EYS: variants seen among roughly 807,000 people sequenced by gnomAD.
EYS encodes EGF-like photoreceptor maintenance factor, also known as protein eyes shut homolog.
Under a neutral mutation model 282.1 loss-of-function variants are expected in EYS, and 250 were observed. The observed-to-expected ratio is 0.89, with a 90% CI of 0.80 to 0.98. EYS has a LOEUF of 0.98. EYS is among the 50% of genes least tolerant of loss of function. The pLI, the probability that EYS is intolerant of heterozygous loss-of-function variation, is 0.00. For missense variants in EYS, 4,016 were observed against 3,709.0 expected (o/e 1.08, Z -2.15); for synonymous variants, 1,355 against 1,282.9 (o/e 1.06, Z -1.20).
chr6:64,940,144 C>A (rs867398532), intron 15 of EYS, among the ~76,000 whole-genome samples: 8 of 152,002 alleles, frequency 5.3e-5, no homozygotes, highest in African/African-American at 1.9e-4. Flanking sequence ...TTGAAACCAT[C>A]CCCCAAAATA....
chr6:64,200,385 C>T (rs1765426888), intron 31 of EYS, among the ~76,000 whole-genome samples: 2 of 152,084 alleles, frequency 1.3e-5, no homozygotes. Context: ...AAATGTGTCA[C>T]ACTAATGCAA....
intron 2 of EYS, among the ~76,000 whole-genome samples, chr6:65,534,183 A>C (rs558539053): frequency 6.6e-6 from 1 of 152,192 alleles, no homozygotes; most frequent in Non-Finnish European, 1.5e-5. Context: ...AAATCACCTT[A>C]TAGGAACTAT....
intron 26 of EYS, among the ~76,000 whole-genome samples, chr6:64,550,674 C>G (rs1406808442): frequency 6.6e-6 from 1 of 152,136 alleles, no homozygotes; most frequent in Non-Finnish European, 1.5e-5. Flanking sequence ...TCAAATTGTC[C>G]CTGTTTTCAG....
intron 28 of EYS, among the ~76,000 whole-genome samples, chr6:64,394,331 C>G (rs1033038491): frequency 2.6e-5 from 4 of 152,044 alleles, no homozygotes; most frequent in African/African-American, 9.7e-5. Context: ...CAAGTCAATC[C>G]TAAGCCAAAA....
intron 26 of EYS, among the ~76,000 whole-genome samples, chr6:64,446,355 T>C (rs968869163): frequency 6.6e-6 from 1 of 152,072 alleles, no homozygotes; most frequent in Non-Finnish European, 1.5e-5. Context: ...AGACTAGAAA[T>C]ATAATAGAAT....
chr6:65,335,491 T>C (rs574914257), intron 10 of EYS, among the ~76,000 whole-genome samples: 3 of 151,802 alleles, frequency 2.0e-5, no homozygotes, highest in Non-Finnish European at 4.4e-5. Flanking sequence ...TAAGCAATTG[T>C]AGGCCTCAAA....
chr6:65,170,095 G>C lies in EYS; in HGVS notation c.2024-112368C>G, dbSNP rs1485536873. ...AAAATAATTATAGGGACACTTTCCT[G>C]AGTGAGTCAATTTAGAGAACAGCTA... On this transcript the variant is annotated intron_variant, in intron 12 of 42. Transcript: ENST00000503581. 2.0e-5 allele frequency among the ~76,000 whole-genome samples: 3 copies of C among 151,532 alleles called. No homozygotes were observed. In the East Asian group the frequency reaches 5.9e-4, roughly 30 times the overall value.
intron 29 of EYS, among the ~76,000 whole-genome samples, chr6:64,327,305 T>G (rs1035249946): frequency 6.6e-6 from 1 of 150,874 alleles, no homozygotes; most frequent in African/African-American, 2.4e-5. Flanking sequence ...GATCCAAGAG[T>G]GAAAGTGAGA....
intron 31 of EYS, among the ~76,000 whole-genome samples, chr6:64,161,828 ATAT>A (rs1429930671): frequency 6.6e-6 from 1 of 152,190 alleles, no homozygotes; most frequent in African/African-American, 2.4e-5. Context: ...TAAGATATTG[ATAT>A]TATTCAAGGA....
At chr6:64,425,239 A>G (rs1561987819) in intron 28 of EYS, among the ~76,000 whole-genome samples, 1 of 152,228 alleles carries the variant, frequency 6.6e-6, no homozygotes, top group Admixed American at 6.5e-5. Flanking sequence ...AAGTAAGCCA[A>G]TGAAGAACCT....
chr6:64,797,138 ATGT>A (rs1462237571), intron 22 of EYS, among the ~76,000 whole-genome samples: 1 of 152,122 alleles, frequency 6.6e-6, no homozygotes, highest in Non-Finnish European at 1.5e-5. Context: ...AAAATAACAA[ATGT>A]TGTGACATAT....
intron 33 of EYS, among the ~76,000 whole-genome samples, chr6:64,016,566 C>T (rs1011363640): frequency 4.0e-5 from 6 of 151,126 alleles, no homozygotes; most frequent in Non-Finnish European, 8.8e-5. Context: ...GCCTCAATCT[C>T]CTGATCACAT....
chr6:64,351,815 T>C (rs148539110), intron 29 of EYS, among the ~76,000 whole-genome samples: 1 of 151,672 alleles, frequency 6.6e-6, no homozygotes, highest in Non-Finnish European at 1.5e-5. Context: ...AATGGGCATA[T>C]ATATGACATA....
chr6:65,602,039 G>C (rs957973031), intron 2 of EYS, among the ~76,000 whole-genome samples: 1 of 151,784 alleles, frequency 6.6e-6, no homozygotes, highest in Non-Finnish European at 1.5e-5. Context: ...ATTTCTCATT[G>C]GTCTGGGTCT....
chr6:65,100,073 T>C (rs1774849557), intron 12 of EYS, among the ~76,000 whole-genome samples: 1 of 150,888 alleles, frequency 6.6e-6, no homozygotes, highest in South Asian at 2.1e-4. Context: ...GATTTAATTG[T>C]TACCAATTAA....
intron 22 of EYS, among the ~76,000 whole-genome samples, chr6:64,702,856 A>G (rs974396407): frequency 2.6e-5 from 4 of 152,130 alleles, no homozygotes; most frequent in Admixed American, 2.6e-4. Context: ...TCTAAGGGAA[A>G]TAAGTGTTTT....
rs548910259 is a variant in EYS, at chr6:65,361,485, G to A, written c.1300-7868C>T. On this transcript the variant is annotated intron_variant, in intron 8 of 42. Transcript: ENST00000503581. ...CTTTCCTTCCTTCTTTCGTTCGTTC[G>A]TTCCTTTTTTTTTTGGTCTGTGTCT... Among the ~76,000 whole-genome samples, 2 of 77,364 alleles carry A rather than the reference G, an allele frequency of 2.6e-5. 1 individual carries two copies. The highest frequency in any genetic ancestry group is 6.7e-4 in the East Asian group (2 of 2,964). The allele number at this position is 77,364 out of a possible 152,430, so 50.8% of individuals were successfully genotyped here.
At chr6:65,343,375 T>A (rs996512996) in intron 10 of EYS, among the ~76,000 whole-genome samples, 1 of 151,370 alleles carries the variant, frequency 6.6e-6, no homozygotes, top group African/African-American at 2.4e-5. Context: ...AATACTTTGT[T>A]AATTATCTTT....
chr6:65,687,070 C>A (rs572311435), intron 1 of EYS, among the ~76,000 whole-genome samples: 7 of 152,090 alleles, frequency 4.6e-5, no homozygotes, highest in African/African-American at 1.7e-4. Context: ...AGACTAGTTT[C>A]ACGCATGAGT....
Sources: allele counts gnomAD v4.1 joint callset (sites outside exome capture counted in the v4.1 genomes callset), GRCh38; gene constraint gnomAD v4.1.1; transcripts MANE v1.5; gene names NCBI Gene and HGNC (gene_info 2026-07-23, HGNC 2026-07-21).